ANK3: variants seen among roughly 807,000 people sequenced by gnomAD.
ANK3 encodes the protein ankyrin-3.
A neutral mutation model predicts 370.9 loss-of-function variants in ANK3; 57 were observed. That is an observed-to-expected ratio of 0.15 (90% confidence interval 0.12 to 0.19). ANK3 has a LOEUF of 0.19. Ranked by LOEUF, ANK3 falls within the 10% of genes least tolerant of loss-of-function variation. ANK3 has a pLI of 1.00. For missense variants in ANK3, 4,439 were observed against 5,302.1 expected (o/e 0.84, Z 5.06); for synonymous variants, 1,929 against 1,946.3 (o/e 0.99, Z 0.23).
intron 2 of ANK3, among the ~76,000 whole-genome samples, chr10:60,563,424 T>A (rs1416303425): frequency 6.6e-6 from 1 of 152,204 alleles, no homozygotes; most frequent in Non-Finnish European, 1.5e-5. Flanking sequence ...CTGAAATCCT[T>A]GCAGCCAGCC....
At chr10:60,719,513 T>A (rs562428708) in intron 1 of ANK3, among the ~76,000 whole-genome samples, 1 of 152,128 alleles carries the variant, frequency 6.6e-6, no homozygotes, top group Non-Finnish European at 1.5e-5. Flanking sequence ...ATTATAAAGA[T>A]TTTTTATGTT....
chr10:60,038,882 C>T (rs1354907886), intron 43 of ANK3, among the ~76,000 whole-genome samples: 1 of 152,058 alleles, frequency 6.6e-6, no homozygotes, highest in African/African-American at 2.4e-5. Flanking sequence ...CATGTTGTAC[C>T]CTTTGCTTGG....
At chr10:60,487,645 A>C (rs1000168032) in intron 2 of ANK3, among the ~76,000 whole-genome samples, 2 of 152,180 alleles carry the variant, frequency 1.3e-5, no homozygotes, top group African/African-American at 2.4e-5. Flanking sequence ...AAATCCCAAG[A>C]GTCTCTAGAA....
chr10:60,700,765 C>T (rs1164831611), intron 1 of ANK3, among the ~76,000 whole-genome samples: 1 of 152,062 alleles, frequency 6.6e-6, no homozygotes, highest in African/African-American at 2.4e-5. Flanking sequence ...ACCCATTCTT[C>T]TTATCATATA....
At chr10:60,429,989 G>T (rs1309671684) in intron 2 of ANK3, among the ~76,000 whole-genome samples, 2 of 152,152 alleles carry the variant, frequency 1.3e-5, no homozygotes, top group Non-Finnish European at 1.5e-5. Flanking sequence ...ACTGGTAAAA[G>T]TATATTTATC....
At chr10:60,443,578 A>G (rs1420556400) in intron 2 of ANK3, among the ~76,000 whole-genome samples, 1 of 152,152 alleles carries the variant, frequency 6.6e-6, no homozygotes, top group Admixed American at 6.5e-5. Flanking sequence ...GGCGTGACCC[A>G]TTGCTTTTTG....
Position 60,176,398 on chromosome 10 carries a change from A to C in ANK3, c.2185-3212T>G, listed in dbSNP as rs1237282299. Among the ~76,000 whole-genome samples the C allele has an allele frequency of 3.3e-5, 5 of 151,288 alleles. No individual in the cohort carries two copies. The East Asian group carries it at 7.7e-4, about 23-fold the overall frequency. On this transcript the variant is annotated intron_variant, in intron 18 of 43. Coordinates refer to ENST00000280772, the MANE Select transcript of ANK3 (RefSeq NM_020987.5). Reference sequence around the variant, plus strand: ...AAAAAAAAAAAAGAAAGAAAAAAAAACCAGAAAGAAAAAGAAATTGTCATT... The same window carrying C: ...AAAAAAAAAAAAGAAAGAAAAAAAACCCAGAAAGAAAAAGAAATTGTCATT...
At chr10:60,099,024 A>AT (rs2090687260) in intron 28 of ANK3, among the ~76,000 whole-genome samples, 1 of 152,262 alleles carries the variant, frequency 6.6e-6, no homozygotes, top group East Asian at 1.9e-4. Context: ...TGCTTATGAG[A>AT]TATTACTTTA....
At chr10:60,492,744 A>G (rs921802907) in intron 2 of ANK3, among the ~76,000 whole-genome samples, 3 of 149,384 alleles carry the variant, frequency 2.0e-5, no homozygotes, top group African/African-American at 7.4e-5. Context: ...AAAGAAAAAA[A>G]AAAGAAATGG....
intron 1 of ANK3, among the ~76,000 whole-genome samples, chr10:60,622,662 A>C (rs890659504): frequency 6.6e-6 from 1 of 152,208 alleles, no homozygotes; most frequent in African/African-American, 2.4e-5. Context: ...CATTAAATAC[A>C]TGCTGAATCA....
rs1453208796 is a variant in ANK3 at position 60,068,888 on chromosome 10, T to G, written c.11993A>C (p.Glu3998Ala). 2 of 1,614,164 alleles carry G rather than the reference T, an allele frequency of 1.2e-6. No individual in the cohort carries two copies. Among genetic ancestry groups the G allele is most frequent in the Non-Finnish European group, 1.7e-6 (2 of 1,180,016 alleles). Residue 3998 changes from glutamate to alanine, a missense_variant, in exon 37 of 44, where the codon GAA becomes GCA. This residue lies in a region of ANK3 where 496 missense variants were observed against 529.3 expected (regional missense o/e 0.94). Coordinates refer to ENST00000280772, the MANE Select transcript of ANK3 (RefSeq NM_020987.5). ...QLKEVCKHSI[E>A]YFKGISGETL... ...CTCACCACTAATTCCCTTAAAATAT[T>G]CAATGGAATGTTTACATACTTCCTT...
intron 2 of ANK3, among the ~76,000 whole-genome samples, chr10:60,463,765 C>CT (rs1176209064): frequency 6.7e-6 from 1 of 149,482 alleles, no homozygotes; most frequent in African/African-American, 2.5e-5. Context: ...TTCATTTCTA[C>CT]TTTTTTTTGG....
chr10:60,443,516 C>T (rs1185016175), intron 2 of ANK3, among the ~76,000 whole-genome samples: 1 of 152,150 alleles, frequency 6.6e-6, no homozygotes. Flanking sequence ...GTGGCCCAAT[C>T]GTGTTTTTCA....
intron 2 of ANK3, among the ~76,000 whole-genome samples, chr10:60,421,931 G>C (rs942112175): frequency 6.6e-6 from 1 of 152,050 alleles, no homozygotes; most frequent in Admixed American, 6.6e-5. Context: ...TGTGGCTTTA[G>C]TTTGGAAGGC....
Position 60,732,050 on chromosome 10 carries a change from T to C in ANK3, c.57+1213A>G, listed in dbSNP as rs374513974. Among the ~76,000 whole-genome samples the C allele has an allele frequency of 2.0e-4, 31 of 152,356 alleles. No individual in the cohort carries two copies. In the East Asian group the frequency reaches 5.8e-3, roughly 28 times the overall value. ...AAAAACATGGCATGGGCAAGATTTG[T>C]GTTTCAAGGGCAATTCTACATAACT... On this transcript the variant is annotated intron_variant, in intron 1 of 43. Transcript: ENST00000373827.
intron 2 of ANK3, among the ~76,000 whole-genome samples, chr10:60,607,513 C>A (rs1332086035): frequency 6.6e-6 from 1 of 152,142 alleles, no homozygotes; most frequent in African/African-American, 2.4e-5. Flanking sequence ...CATTAAAGAG[C>A]AACATATTTA....
At chr10:60,120,814 G>A (rs2093421055) in intron 25 of ANK3, among the ~76,000 whole-genome samples, 1 of 152,066 alleles carries the variant, frequency 6.6e-6, no homozygotes, top group Non-Finnish European at 1.5e-5. Flanking sequence ...CAGAAGTTAG[G>A]CAATAACAAA....
chr10:60,474,706 T>C (rs2075012481), intron 2 of ANK3, among the ~76,000 whole-genome samples: 2 of 152,202 alleles, frequency 1.3e-5, no homozygotes, highest in African/African-American at 4.8e-5. Context: ...TGTTTTCCAG[T>C]ATGAATTTAA....
intron 23 of ANK3, among the ~76,000 whole-genome samples, chr10:60,141,612 C>T (rs1333151784): frequency 1.4e-5 from 2 of 146,720 alleles, no homozygotes; most frequent in Middle Eastern, 3.5e-3. Context: ...CCACCGCCCC[C>T]GAGAATACCT....
Sources: gnomAD v4.1 joint callset for allele counts (sites outside exome capture counted in the v4.1 genomes callset) on GRCh38, gnomAD v4.1.1 for gene constraint, gnomAD v4.1.1 regional missense constraint, MANE v1.5 for transcripts, NCBI Gene and HGNC (gene_info 2026-07-23, HGNC 2026-07-21) for gene names.